Variants in CACNA2D1 observed in about 807,000 individuals in gnomAD.
CACNA2D1 encodes calcium voltage-gated channel auxiliary subunit alpha2delta 1.
In CACNA2D1, 53 loss-of-function variants were observed where a neutral mutation model predicts 171.5. The ratio of observed to expected loss-of-function variants is 0.31; its 90% CI spans 0.25 to 0.39. The LOEUF is 0.39. CACNA2D1 is among the 10% of genes least tolerant of loss of function. The pLI, the probability that CACNA2D1 is intolerant of heterozygous loss-of-function variation, is 1.00. For missense variants in CACNA2D1, 903 were observed against 1,299.8 expected (o/e 0.69, Z 4.69); for synonymous variants, 442 against 443.1 (o/e 1.00, Z 0.03).
intron 5 of CACNA2D1, among the ~76,000 whole-genome samples, chr7:82,132,737 TTCTG>T (rs1791141617): frequency 6.6e-6 from 1 of 152,180 alleles, no homozygotes; most frequent in Non-Finnish European, 1.5e-5. Flanking sequence ...AGGAATCAAC[TTCTG>T]TCTAATTTAG....
At chr7:82,030,580 C>A (rs1225737735) in intron 12 of CACNA2D1, among the ~76,000 whole-genome samples, 1 of 151,668 alleles carries the variant, frequency 6.6e-6, no homozygotes, top group Non-Finnish European at 1.5e-5. Context: ...ATCTTTGAGT[C>A]AAAAACTTTT....
intron 27 of CACNA2D1, 114 bp downstream of exon 27, chr7:81,970,561 T>A (rs1468806225): frequency 1.3e-6 from 1 of 745,268 alleles, no homozygotes; most frequent in East Asian, 2.5e-5. Flanking sequence ...GGCTCCAATG[T>A]AATCTAATGG....
At chr7:81,953,404 G>A (rs958972501) in intron 38 of CACNA2D1, among the ~76,000 whole-genome samples, 6 of 151,820 alleles carry the variant, frequency 4.0e-5, no homozygotes, top group African/African-American at 7.3e-5. Context: ...CTCCTCTCCC[G>A]CCTACTCACT....
At chr7:82,419,784 A>T (rs1455122831) in intron 1 of CACNA2D1, among the ~76,000 whole-genome samples, 2 of 152,326 alleles carry the variant, frequency 1.3e-5, no homozygotes, top group East Asian at 3.9e-4. Context: ...GGCCACGGAA[A>T]CATGTATCAT....
Position 82,223,985 on chromosome 7 carries a change from A to T in CACNA2D1, c.295-53376T>A, listed in dbSNP as rs1802068890. On this transcript the variant is annotated intron_variant, in intron 3 of 38. Coordinates refer to ENST00000356860, the MANE Select transcript of CACNA2D1 (RefSeq NM_000722.4). Reference sequence around the variant, plus strand: ...GCCTTAAACATGCCAGGCACGATCCAGCTTGGGCCCTTCCTACATCTAAAG... The same window carrying T: ...GCCTTAAACATGCCAGGCACGATCCTGCTTGGGCCCTTCCTACATCTAAAG... Among the ~76,000 whole-genome samples, 3 of 152,110 alleles carry T rather than the reference A, an allele frequency of 2.0e-5. No individual in the cohort carries two copies. In the South Asian group the frequency reaches 6.2e-4, roughly 31 times the overall value.
At chr7:82,230,434 T>A (rs1802809509) in intron 3 of CACNA2D1, among the ~76,000 whole-genome samples, 2 of 152,232 alleles carry the variant, frequency 1.3e-5, no homozygotes, top group Non-Finnish European at 2.9e-5. Flanking sequence ...AAAATTGTGA[T>A]GCAGTGAACA....
intron 7 of CACNA2D1, 131 bp downstream of exon 7, chr7:82,084,638 G>T: frequency 9.5e-7 from 1 of 1,057,692 alleles, no homozygotes; most frequent in Non-Finnish European, 1.4e-6. Flanking sequence ...CATGTAAAGA[G>T]GAATGTTCTT....
intron 17 of CACNA2D1, 90 bp downstream of exon 17, chr7:82,005,675 C>G: frequency 1.0e-6 from 1 of 988,924 alleles, no homozygotes; most frequent in Non-Finnish European, 1.6e-6. Flanking sequence ...GATAACTGCC[C>G]ATAATTTTTG....
At chr7:82,211,057 T>C (rs1439873407) in intron 3 of CACNA2D1, among the ~76,000 whole-genome samples, 1 of 152,162 alleles carries the variant, frequency 6.6e-6, no homozygotes, top group Non-Finnish European at 1.5e-5. Flanking sequence ...ATATAAAACA[T>C]TATTGTTTAT....
rs1803198451 is a variant in CACNA2D1 at position 82,233,571 on chromosome 7, C to T, written c.295-62962G>A. Among the ~76,000 whole-genome samples, 7 of 152,034 alleles carry T rather than the reference C, an allele frequency of 4.6e-5. No homozygotes were observed. The South Asian group carries it at 1.5e-3, about 32-fold the overall frequency. On this transcript the variant is annotated intron_variant, in intron 3 of 38. Transcript: ENST00000356860. ...TCTTCCCTGAAGACAGAAGTTTATC[C>T]CATGAGATCAAGTGAAGTACACCAG...
At position 82,102,779 on chromosome 7, in the gene CACNA2D1, G is replaced by A. The variant is rs574143947; in HGVS notation, c.526+14265C>T. On this transcript the variant is annotated intron_variant, in intron 6 of 38. Coordinates refer to ENST00000356860, the MANE Select transcript of CACNA2D1 (RefSeq NM_000722.4). ...ATGTCACTTCCACCTATAACCAATGGAAAAATGTCAACCACATATTACCAC... is the reference window on the plus strand; with the variant it reads ...ATGTCACTTCCACCTATAACCAATGAAAAAATGTCAACCACATATTACCAC... Among the ~76,000 whole-genome samples, 3 of 152,152 alleles carry A rather than the reference G, an allele frequency of 2.0e-5. No individual in the cohort carries two copies. The East Asian group carries it at 5.8e-4, about 29-fold the overall frequency.
chr7:82,116,517 C>T (rs1174208724), intron 6 of CACNA2D1, among the ~76,000 whole-genome samples: 1 of 152,066 alleles, frequency 6.6e-6, no homozygotes, highest in Non-Finnish European at 1.5e-5. Flanking sequence ...GGCTGGAAGC[C>T]CACAATACAT....
chr7:82,015,307 T>G (rs1312271718), intron 12 of CACNA2D1, among the ~76,000 whole-genome samples: 3 of 152,172 alleles, frequency 2.0e-5, no homozygotes, highest in African/African-American at 7.2e-5. Context: ...CACATATAAT[T>G]ATGTTGTTAG....
chr7:82,207,605 T>C (rs1800139283), intron 3 of CACNA2D1, among the ~76,000 whole-genome samples: 1 of 152,148 alleles, frequency 6.6e-6, no homozygotes, highest in Admixed American at 6.5e-5. Flanking sequence ...TTTTCAGTTA[T>C]CAGGACAGAG....
At chr7:82,035,766 T>A (rs2131180481) in intron 11 of CACNA2D1, among the ~76,000 whole-genome samples, 1 of 152,280 alleles carries the variant, frequency 6.6e-6, no homozygotes, top group Admixed American at 6.5e-5. Context: ...GGAAACTCAA[T>A]TATTGACTTA....
chr7:82,301,472 T>C (rs1249898882), intron 3 of CACNA2D1, among the ~76,000 whole-genome samples: 2 of 152,062 alleles, frequency 1.3e-5, no homozygotes, highest in Non-Finnish European at 2.9e-5. Context: ...GGTGATCATT[T>C]TTCTCTTATA....
At chr7:82,410,490 G>C (rs17156266) in intron 1 of CACNA2D1, 12,743 of 984,990 alleles carry the variant, frequency 0.013, 210 homozygotes, top group East Asian at 0.12. Context: ...ACAGGCAGTA[G>C]AAAAATTACC....
chr7:82,060,178 A>ATT (rs1491430009), intron 10 of CACNA2D1, among the ~76,000 whole-genome samples: 12 of 15,922 alleles, frequency 7.5e-4, no homozygotes, highest in East Asian at 3.5e-3. Context: ...ATATATATAT[A>ATT]ATATATATAT....
chr7:82,348,196 A>T (rs1329873172), intron 2 of CACNA2D1, among the ~76,000 whole-genome samples: 1 of 152,142 alleles, frequency 6.6e-6, no homozygotes, highest in Non-Finnish European at 1.5e-5. Flanking sequence ...AATAGTATCT[A>T]AATGAAAATT....
Sources: gnomAD v4.1 joint callset for allele counts (sites outside exome capture counted in the v4.1 genomes callset) on GRCh38, gnomAD v4.1.1 for gene constraint, MANE v1.5 for transcripts, NCBI Gene and HGNC (gene_info 2026-07-23, HGNC 2026-07-21) for gene names.